The following SORCS2 variants were observed in gnomAD, a reference collection of about 807,000 sequenced individuals.
SORCS2 encodes VPS10 domain-containing receptor SorCS2.
Under a neutral mutation model 141.6 loss-of-function variants are expected in SORCS2, and 100 were observed. That is an observed-to-expected ratio of 0.71 (90% CI 0.60 to 0.83). The LOEUF (loss-of-function observed/expected upper bound fraction) is 0.83. Among genes scored for constraint, SORCS2 ranks in the 40% least tolerant of loss-of-function variants. SORCS2 has a pLI of 0.00. For synonymous variants in SORCS2, 789 were observed against 676.9 expected, an observed-to-expected ratio of 1.17 and a Z score of -2.57; for missense variants, 1,646 against 1,560.2, an observed-to-expected ratio of 1.05 and a Z score of -0.93.
At chr4:7,585,355 T>C (rs1211024749) in intron 3 of SORCS2, among the ~76,000 whole-genome samples, 2 of 152,120 alleles carry the variant, frequency 1.3e-5, no homozygotes, top group African/African-American at 2.4e-5. Context: ...TGGGCTGCGG[T>C]GTAGGAGTGG....
At position 7,741,414 on chromosome 4, in the gene SORCS2, A is replaced by G; in HGVS notation, c.*1150A>G. 1 of 180,456 alleles carries G rather than the reference A, an allele frequency of 5.5e-6. No individual in the cohort carries two copies. Among genetic ancestry groups the G allele is most frequent in the Admixed American group, 9.2e-5 (1 of 10,914 alleles). 11.2% of individuals were successfully genotyped at this position (180,456 alleles called of 1,614,324 possible). ...CACACCCTTACGGTTTCCTAGAATC[A>G]GGGATGTTAGTGTAAGTCTATAGGA... is the stretch of plus-strand genomic sequence containing the variant. On this transcript the variant is annotated 3_prime_UTR_variant, in exon 27 of 27. Transcript: ENST00000507866.
rs528648319 is a variant in SORCS2, at chr4:7,559,188, G to A, written c.648+27559G>A. Among the ~76,000 whole-genome samples the A allele has an allele frequency of 1.4e-4, 22 of 152,224 alleles. No individual in the cohort carries two copies. The South Asian group carries it at 3.1e-3, about 22-fold the overall frequency. On this transcript the variant is annotated intron_variant, in intron 3 of 26. Transcript: ENST00000507866. ...TCTGCCCTGGCCTCTGAGCAGCTAC[G>A]TGCCCCCCTCCAAGAGGGCTGTGGC...
In SORCS2 at chr4:7,286,156, G is replaced by C. The variant is rs1236270306; in HGVS notation, c.480+93030G>C. Among the ~76,000 whole-genome samples the C allele has an allele frequency of 6.6e-6, 1 of 152,194 alleles. No homozygotes were observed. The highest frequency in any genetic ancestry group is 2.4e-5 in the African/African-American group (1 of 41,444). On this transcript the variant is annotated intron_variant, in intron 1 of 26. Transcript: ENST00000507866. The surrounding 1 kb of genome is among the most constrained non-coding windows in gnomAD (Gnocchi z 4.1). ...TGATGAGCTGGTAAACAGTCTCCTA[G>C]AGTCTCCAGCTGGGTCTCCAGGCCT...
intron 2 of SORCS2, among the ~76,000 whole-genome samples, chr4:7,455,872 G>T (rs182215309): frequency 9.2e-5 from 14 of 152,324 alleles, no homozygotes; most frequent in African/African-American, 3.1e-4. Context: ...GTCACATGCT[G>T]TGCTGGTATC....
At chr4:7,410,649 C>G (rs753515429) in intron 2 of SORCS2, among the ~76,000 whole-genome samples, 10 of 152,172 alleles carry the variant, frequency 6.6e-5, no homozygotes, top group Non-Finnish European at 1.3e-4. Flanking sequence ...TTTTTGCTCC[C>G]AGGCCAGTCT....
chr4:7,238,581 G>A (rs1712459851), intron 1 of SORCS2, among the ~76,000 whole-genome samples: 4 of 152,198 alleles, frequency 2.6e-5, no homozygotes, highest in Admixed American at 2.6e-4. Context: ...ATATATGTGT[G>A]TGCCTGTGTG....
At position 7,718,009 on chromosome 4, in the gene SORCS2, C is replaced by T; in HGVS notation, c.2253-3C>T. On this transcript the variant is annotated splice_polypyrimidine_tract_variant and splice_region_variant and intron_variant, in intron 17 of 26. Coordinates refer to ENST00000507866, the MANE Select transcript of SORCS2 (RefSeq NM_020777.3). ...GGACCCTGACCCTCTCTTGTCAATC[C>T]AGGTACCGGAAAGTGGTGTCCAACG... 1 of 1,599,884 alleles carries T rather than the reference C, an allele frequency of 6.3e-7. No individual in the cohort carries two copies. The highest frequency in any genetic ancestry group is 8.5e-7 in the Non-Finnish European group (1 of 1,172,614).
chr4:7,303,307 G>C (rs899506908), intron 1 of SORCS2, among the ~76,000 whole-genome samples: 9 of 152,190 alleles, frequency 5.9e-5, no homozygotes, highest in African/African-American at 2.2e-4. Context: ...CAGGAACTCA[G>C]CTTTCAAGGA....
chr4:7,527,869 G>T (rs1733793848), intron 2 of SORCS2, among the ~76,000 whole-genome samples: 1 of 152,136 alleles, frequency 6.6e-6, no homozygotes, highest in Non-Finnish European at 1.5e-5. Context: ...GGTCAGTGCT[G>T]GATTAGACCT....
chr4:7,290,957 G>T (rs1453317570), intron 1 of SORCS2, among the ~76,000 whole-genome samples: 1 of 152,146 alleles, frequency 6.6e-6, no homozygotes, highest in Non-Finnish European at 1.5e-5. Context: ...TTATTTAATT[G>T]CCCCAACCTG....
chr4:7,323,294 G>A (rs1369175631), intron 1 of SORCS2, among the ~76,000 whole-genome samples: 1 of 152,180 alleles, frequency 6.6e-6, no homozygotes, highest in Non-Finnish European at 1.5e-5. Context: ...GAACTGGATT[G>A]GTTACAGTAG....
In SORCS2 at chr4:7,253,459, A is replaced by G. The variant is rs185624848; in HGVS notation, c.480+60333A>G. ...CTGTAGCTCATTCCAGGCCCAGCGA[A>G]GGCACTACAGAAGAGGGATGGTGTT... On this transcript the variant is annotated intron_variant, in intron 1 of 26. Coordinates refer to ENST00000507866, the MANE Select transcript of SORCS2 (RefSeq NM_020777.3). 2.0e-3 allele frequency among the ~76,000 whole-genome samples: 298 copies of G among 152,348 alleles called. 2 individuals are homozygous for G. The highest frequency in any genetic ancestry group is 6.7e-3 in the African/African-American group (280 of 41,594).
chr4:7,434,601 C>T (rs773031791), intron 2 of SORCS2: 8 of 1,613,322 alleles, frequency 5.0e-6, no homozygotes, highest in Admixed American at 1.7e-5. Context: ...ACTCACAGGT[C>T]TTCATCACCA....
At chr4:7,515,912 C>A (rs901536819) in intron 2 of SORCS2, among the ~76,000 whole-genome samples, 6 of 152,160 alleles carry the variant, frequency 3.9e-5, no homozygotes, top group Non-Finnish European at 8.8e-5. Flanking sequence ...CAAGTGACTC[C>A]ACTTCTCTGG....
At position 7,600,337 on chromosome 4, in the gene SORCS2, C is replaced by T. The variant is rs186116697; in HGVS notation, c.649-37991C>T. 4.6e-5 allele frequency among the ~76,000 whole-genome samples: 7 copies of T among 152,262 alleles called. No individual in the cohort carries two copies. In the East Asian group the frequency reaches 9.7e-4, roughly 21 times the overall value. ...AAATCAAGGTGTCGCTGCTACAGTA[C>T]GAGGAACCCCCACAGCGTGGAGGCT... On this transcript the variant is annotated intron_variant, in intron 3 of 26. Transcript: ENST00000507866.
At chr4:7,346,509 C>G (rs1470016380) in intron 1 of SORCS2, among the ~76,000 whole-genome samples, 1 of 152,136 alleles carries the variant, frequency 6.6e-6, no homozygotes, top group South Asian at 2.1e-4. Context: ...AATCTGTACT[C>G]AACTGTTATT....
rs774327886 is a variant in SORCS2, at chr4:7,733,380, G to A, written c.3167G>A (p.Gly1056Asp). The change falls in exon 24 of 27, where the codon GGC becomes GAC. Residue 1056 changes from glycine (G) to aspartate (D), a missense_variant. Physicochemically the swap from Gly to Asp is moderately conservative, Grantham distance 94. Transcript: ENST00000507866. ...CAGAAGATCAGCTTCCTCCTGCGAG[G>A]CGGAGTCCGGGTCCTGGTGGCCCTG... is the stretch of plus-strand genomic sequence containing the variant. The part of the protein sequence containing the change: ...NAQKISFLLR[G>D]GVRVLVALRD... The A allele has an allele frequency of 1.3e-6, 2 of 1,590,856 alleles. No individual in the cohort carries two copies. Among genetic ancestry groups the A allele is most frequent in the South Asian group, 2.3e-5 (2 of 86,922 alleles).
At chr4:7,219,931 C>T (rs192860209) in intron 1 of SORCS2, among the ~76,000 whole-genome samples, 2 of 152,338 alleles carry the variant, frequency 1.3e-5, no homozygotes, top group African/African-American at 2.4e-5. Flanking sequence ...CGTGTTCCAC[C>T]GTGATGACTC....
chr4:7,601,598 G>A lies in SORCS2; in HGVS notation c.649-36730G>A, dbSNP rs1444117429. On this transcript the variant is annotated intron_variant, in intron 3 of 26. Coordinates refer to ENST00000507866, the MANE Select transcript of SORCS2 (RefSeq NM_020777.3). ...CACACCACTGCACTCTAGCCTGGGCGACAAAGCAAGACTCTCTCAAAAAAA... is the reference window on the plus strand; with the variant it reads ...CACACCACTGCACTCTAGCCTGGGCAACAAAGCAAGACTCTCTCAAAAAAA... Among the ~76,000 whole-genome samples the A allele has an allele frequency of 9.6e-5, 9 of 93,620 alleles. No individual in the cohort carries two copies. In the East Asian group the frequency reaches 1.4e-3, roughly 14 times the overall value. The allele number at this position is 93,620 out of a possible 152,430, so 61.4% of individuals were successfully genotyped here.
Sources: gnomAD v4.1 joint callset for allele counts (sites outside exome capture counted in the v4.1 genomes callset) on GRCh38, gnomAD v4.1.1 for gene constraint, Gnocchi (gnomAD v3.1) non-coding constraint, MANE v1.5 for transcripts, NCBI Gene and HGNC (gene_info 2026-07-23, HGNC 2026-07-21) for gene names.